LMCD1: variants seen among roughly 807,000 people sequenced by gnomAD.
The protein encoded by LMCD1 is LIM and cysteine rich domains 1.
A neutral mutation model predicts 42.7 loss-of-function variants in LMCD1; 32 were observed. The observed-to-expected ratio is 0.75, with a 90% CI of 0.57 to 1.01. The LOEUF (loss-of-function observed/expected upper bound fraction) is 1.01, where lower values mean the gene tolerates loss of function less well. Among genes scored for constraint, LMCD1 ranks in the 50% least tolerant of loss-of-function variants. The pLI is 0.00. For missense variants in LMCD1, 458 were observed against 483.1 expected (o/e 0.95, Z 0.49); for synonymous variants, 178 against 184.9 (o/e 0.96, Z 0.30).
chr3:8,502,304 A>ATAAAATATATATTAT (rs1491354239), intron 1 of LMCD1, among the ~76,000 whole-genome samples: 1 of 12,366 alleles, frequency 8.1e-5, no homozygotes, highest in Non-Finnish European at 1.5e-4. Flanking sequence ...TATTATATAT[A>ATAAAATATATATTAT]ATATATAAAA....
chr3:8,533,988 T>G (rs1160549342), intron 2 of LMCD1, among the ~76,000 whole-genome samples: 1 of 151,828 alleles, frequency 6.6e-6, no homozygotes, highest in African/African-American at 2.4e-5. Context: ...CAAAAACTCC[T>G]TCTATAATTT....
chr3:8,507,871 A>G (rs1397651180), intron 1 of LMCD1, among the ~76,000 whole-genome samples: 4 of 152,252 alleles, frequency 2.6e-5, no homozygotes, highest in Admixed American at 6.5e-5. Flanking sequence ...AGGAGGGACT[A>G]TGATTATTAC....
At chr3:8,536,713 A>G (rs1265831037) in intron 2 of LMCD1, among the ~76,000 whole-genome samples, 1 of 152,248 alleles carries the variant, frequency 6.6e-6, no homozygotes, top group African/African-American at 2.4e-5. Flanking sequence ...TTTGTAAGCC[A>G]GATACTCTCT....
chr3:8,549,795 C>T, intron 4 of LMCD1: 3 of 702,482 alleles, frequency 4.3e-6, no homozygotes, highest in Non-Finnish European at 7.8e-6. Flanking sequence ...GCACTCTCTG[C>T]AGAGTCCTGA....
intron 1 of LMCD1, among the ~76,000 whole-genome samples, chr3:8,510,693 G>A (rs1192334144): frequency 2.0e-5 from 3 of 152,102 alleles, no homozygotes; most frequent in Non-Finnish European, 4.4e-5. Context: ...CTCTGAAATG[G>A]CCATAATTAT....
intron 1 of LMCD1, among the ~76,000 whole-genome samples, chr3:8,530,642 T>C (rs1425705553): frequency 6.6e-6 from 1 of 152,204 alleles, no homozygotes; most frequent in Non-Finnish European, 1.5e-5. Flanking sequence ...GGTCCAACAA[T>C]GAAGCCTTAT....
At chr3:8,536,507 T>A (rs1433225427) in intron 2 of LMCD1, among the ~76,000 whole-genome samples, 2 of 152,166 alleles carry the variant, frequency 1.3e-5, no homozygotes, top group Non-Finnish European at 2.9e-5. Flanking sequence ...TTTTCTGACC[T>A]CTCTCCCTGC....
Position 8,572,101 on chromosome 3 carries a change from T to G in LMCD1, c.*4503T>G, listed in dbSNP as rs886924656. 2 of 152,214 alleles carry G rather than the reference T, an allele frequency of 1.3e-5. No individual in the cohort carries two copies. Among genetic ancestry groups the G allele is most frequent in the Admixed American group, 1.3e-4 (2 of 15,278 alleles). The allele number at this position is 152,214 out of a possible 1,614,324, so 9.4% of individuals were successfully genotyped here. On this transcript the variant is annotated 3_prime_UTR_variant, in exon 6 of 6. Transcript: ENST00000157600. Reference sequence around the variant, plus strand: ...TCTTGTCTATTCTTCAATTTGGAAGTGTTCTTTGTTCTTTCCTGAATGTTC... The same window carrying G: ...TCTTGTCTATTCTTCAATTTGGAAGGGTTCTTTGTTCTTTCCTGAATGTTC...
chr3:8,555,507 C>T (rs1159265731), intron 4 of LMCD1, among the ~76,000 whole-genome samples: 1 of 152,180 alleles, frequency 6.6e-6, no homozygotes, highest in Non-Finnish European at 1.5e-5. Flanking sequence ...ACCCCTGGCT[C>T]AGGCACCATG....
At chr3:8,564,748 T>C (rs1267657383) in intron 4 of LMCD1, among the ~76,000 whole-genome samples, 1 of 152,202 alleles carries the variant, frequency 6.6e-6, no homozygotes, top group East Asian at 1.9e-4. Flanking sequence ...CAAATTTTAC[T>C]GTAGTATCAA....
chr3:8,548,969 C>A, intron 4 of LMCD1, 66 bp downstream of exon 4: 1 of 1,226,348 alleles, frequency 8.2e-7, no homozygotes, highest in Non-Finnish European at 1.1e-6. Flanking sequence ...CAGTCAGGGC[C>A]CCATCACGGG....
At chr3:8,522,440 G>T (rs758323219) in intron 1 of LMCD1, among the ~76,000 whole-genome samples, 1 of 152,178 alleles carries the variant, frequency 6.6e-6, no homozygotes, top group African/African-American at 2.4e-5. Flanking sequence ...TGCCCCAGGG[G>T]TGTGTTCCTC....
chr3:8,513,862 C>T (rs754313085), intron 1 of LMCD1, among the ~76,000 whole-genome samples: 1 of 152,004 alleles, frequency 6.6e-6, no homozygotes, highest in African/African-American at 2.4e-5. Context: ...TGAAAAGATA[C>T]CACTAAGAAA....
In LMCD1 at chr3:8,537,249, G is replaced by A. The variant is rs1271392091; in HGVS notation, c.196G>A (p.Asp66Asn). ...DHCLTSDLED[D>N]RKIGRLLMDS... Reference sequence around the variant, plus strand: ...CTGCCTAACATCTGACCTAGAAGACGATCGGAAAATTGGCCGCTTGCTGAT... The same window carrying A: ...CTGCCTAACATCTGACCTAGAAGACAATCGGAAAATTGGCCGCTTGCTGAT... The change falls in exon 3 of 6, where the codon GAT becomes AAT. Residue 66 changes from aspartate to asparagine, a missense_variant. Coordinates refer to ENST00000157600, the MANE Select transcript of LMCD1 (RefSeq NM_014583.4). The A allele has an allele frequency of 3.1e-6, 5 of 1,613,988 alleles. No homozygotes were observed. The highest frequency in any genetic ancestry group is 1.7e-5 in the Admixed American group (1 of 59,996).
intron 1 of LMCD1, among the ~76,000 whole-genome samples, chr3:8,526,230 T>C (rs943851727): frequency 3.9e-5 from 6 of 152,196 alleles, no homozygotes; most frequent in African/African-American, 1.2e-4. Flanking sequence ...CATTTGTAAT[T>C]TTACATTTGT....
chr3:8,554,032 G>A (rs1694886481), intron 4 of LMCD1, among the ~76,000 whole-genome samples: 1 of 152,138 alleles, frequency 6.6e-6, no homozygotes, highest in Admixed American at 6.5e-5. Context: ...CACTGTGTAA[G>A]GTCTCAATCT....
intron 1 of LMCD1, among the ~76,000 whole-genome samples, chr3:8,531,665 C>T (rs181407825): frequency 1.3e-5 from 2 of 152,328 alleles, no homozygotes; most frequent in Non-Finnish European, 2.9e-5. Flanking sequence ...TTGCCCCTTA[C>T]AGGAGCAGGA....
At position 8,506,712 on chromosome 3, in the gene LMCD1, C is replaced by A. The variant is rs76974760; in HGVS notation, c.42+4732C>A. The stretch of plus-strand genomic sequence containing the variant: ...TCTTATCTCCCAACCATTCATCCAA[C>A]ACCATTTAAATCTTTATTTTAAGAA... On this transcript the variant is annotated intron_variant, in intron 1 of 5. Transcript: ENST00000157600. 3.7e-4 allele frequency among the ~76,000 whole-genome samples: 56 copies of A among 152,328 alleles called. No homozygotes were observed. In the East Asian group the frequency reaches 0.01, roughly 27 times the overall value.
chr3:8,533,391 G>T (rs1399115520), intron 2 of LMCD1, among the ~76,000 whole-genome samples: 4 of 152,106 alleles, frequency 2.6e-5, no homozygotes, highest in Non-Finnish European at 4.4e-5. Flanking sequence ...GAATGAGGCT[G>T]CCACAATGCA....
Sources: allele counts gnomAD v4.1 joint callset (sites outside exome capture counted in the v4.1 genomes callset), GRCh38; gene constraint gnomAD v4.1.1; transcripts MANE v1.5; gene names NCBI Gene and HGNC (gene_info 2026-07-23, HGNC 2026-07-21).